The following TAFA4 variants were observed in gnomAD, a reference collection of about 807,000 sequenced individuals.
The protein encoded by TAFA4 is chemokine-like protein TAFA-4.
Under a neutral mutation model 21.1 loss-of-function variants are expected in TAFA4, and 20 were observed. That is an observed-to-expected ratio of 0.95 (90% confidence interval 0.67 to 1.38). The LOEUF is 1.38. TAFA4 is among the 40% of genes most tolerant of loss of function. The probability of loss-of-function intolerance (pLI) is 0.00; values close to 1 mark genes in which losing one functional copy is unlikely to be tolerated. For synonymous variants in TAFA4, 71 were observed against 67.4 expected (o/e 1.05, Z -0.26); for missense variants, 211 against 180.9 (o/e 1.17, Z -0.95).
intron 1 of TAFA4, among the ~76,000 whole-genome samples, chr3:68,890,398 G>A (rs912796760): frequency 1.3e-5 from 2 of 152,132 alleles, no homozygotes; most frequent in Non-Finnish European, 2.9e-5. Flanking sequence ...TAAAATGATT[G>A]AGAGCTTATT....
intron 5 of TAFA4, among the ~76,000 whole-genome samples, chr3:68,735,576 G>A (rs1702227936): frequency 6.6e-6 from 1 of 152,054 alleles, no homozygotes; most frequent in Admixed American, 6.6e-5. Context: ...ACGTTCCCAT[G>A]ATAGCATTAA....
intron 3 of TAFA4, among the ~76,000 whole-genome samples, chr3:68,814,593 A>T (rs1383673510): frequency 6.6e-6 from 1 of 152,220 alleles, no homozygotes; most frequent in African/African-American, 2.4e-5. Flanking sequence ...ATACCTAGGA[A>T]TCCAACTTAC....
rs555739637 is a variant in TAFA4, at chr3:68,922,246, C to A, written c.-123+9994G>T. Among the ~76,000 whole-genome samples, 271 of 152,298 alleles carry A rather than the reference C, an allele frequency of 1.8e-3. 1 individual carries two copies. The highest frequency in any genetic ancestry group is 6.3e-3 in the African/African-American group (260 of 41,570). ...GCACCTCATGGGAGCCTCCTGGAAACAGAAATTCACAGGCCTCATCCCAGA... is the reference window on the plus strand; with the variant it reads ...GCACCTCATGGGAGCCTCCTGGAAAAAGAAATTCACAGGCCTCATCCCAGA... On this transcript the variant is annotated intron_variant, in intron 1 of 5. Transcript: ENST00000295569.
chr3:68,880,125 A>G (rs2089599476), intron 3 of TAFA4, among the ~76,000 whole-genome samples: 1 of 151,636 alleles, frequency 6.6e-6, no homozygotes, highest in Non-Finnish European at 1.5e-5. Context: ...CTCGCCTTTA[A>G]AAATCAGCAA....
rs769064699 is a variant in TAFA4 at position 68,789,816 on chromosome 3, G to T, written c.131-36798C>A. Among the ~76,000 whole-genome samples the T allele has an allele frequency of 4.6e-4, 70 of 152,156 alleles. 1 individual carries two copies. Among genetic ancestry groups the T allele is most frequent in the Admixed American group, 6.5e-5 (1 of 15,272 alleles). On this transcript the variant is annotated intron_variant, in intron 3 of 5. Transcript: ENST00000295569. The stretch of plus-strand genomic sequence containing the variant: ...TTTCTCATCAGAAAACAAAAGAAAT[G>T]CACACATTTAACACATACCCACACA...
intron 3 of TAFA4, among the ~76,000 whole-genome samples, chr3:68,860,073 G>T (rs975182683): frequency 2.6e-5 from 4 of 152,050 alleles, no homozygotes; most frequent in African/African-American, 9.7e-5. Context: ...CTAAGATATT[G>T]TTAATTATAA....
At chr3:68,772,955 T>C (rs1428595257) in intron 3 of TAFA4, among the ~76,000 whole-genome samples, 1 of 152,222 alleles carries the variant, frequency 6.6e-6, no homozygotes, top group Non-Finnish European at 1.5e-5. Context: ...CAATAATTCC[T>C]TCTCCAAATG....
At chr3:68,735,827 T>C (rs1702232502) in intron 5 of TAFA4, among the ~76,000 whole-genome samples, 1 of 152,180 alleles carries the variant, frequency 6.6e-6, no homozygotes, top group Non-Finnish European at 1.5e-5. Flanking sequence ...AAGCAGCTTT[T>C]CAACCTTCAT....
chr3:68,785,171 C>T (rs1312783776), intron 3 of TAFA4, among the ~76,000 whole-genome samples: 1 of 152,202 alleles, frequency 6.6e-6, no homozygotes. Context: ...TACAGAGTGC[C>T]GATTGATGTA....
At chr3:68,910,555 C>T (rs890809294) in intron 1 of TAFA4, among the ~76,000 whole-genome samples, 2 of 152,178 alleles carry the variant, frequency 1.3e-5, no homozygotes, top group African/African-American at 4.8e-5. Context: ...CAGAGATATA[C>T]TTAAGAATTC....
chr3:68,832,890 G>T (rs576615909), intron 3 of TAFA4, among the ~76,000 whole-genome samples: 1 of 151,990 alleles, frequency 6.6e-6, no homozygotes, highest in Non-Finnish European at 1.5e-5. Context: ...ACATACAACC[G>T]CCTACTCAAG....
intron 1 of TAFA4, among the ~76,000 whole-genome samples, chr3:68,929,458 T>C (rs1050960962): frequency 3.3e-5 from 5 of 152,234 alleles, no homozygotes; most frequent in African/African-American, 1.2e-4. Flanking sequence ...CAATCATTTA[T>C]GATTGATTGG....
intron 3 of TAFA4, among the ~76,000 whole-genome samples, chr3:68,758,185 A>G (rs1697023678): frequency 6.6e-6 from 1 of 152,208 alleles, no homozygotes; most frequent in African/African-American, 2.4e-5. Flanking sequence ...GACATAGCTC[A>G]GTTTCCCACT....
chr3:68,929,352 A>G (rs971535474), intron 1 of TAFA4, among the ~76,000 whole-genome samples: 3 of 152,212 alleles, frequency 2.0e-5, no homozygotes, highest in Non-Finnish European at 4.4e-5. Flanking sequence ...TTTGTTTCCT[A>G]TTGCCTGAAT....
chr3:68,734,203 AAT>A (rs1319946349), intron 5 of TAFA4, among the ~76,000 whole-genome samples: 4 of 152,160 alleles, frequency 2.6e-5, no homozygotes, highest in Non-Finnish European at 5.9e-5. Flanking sequence ...TGCATTCTGA[AAT>A]ATTCTGTTTT....
intron 3 of TAFA4, among the ~76,000 whole-genome samples, chr3:68,813,861 A>C (rs1014207041): frequency 5.9e-5 from 9 of 152,102 alleles, no homozygotes; most frequent in Non-Finnish European, 8.8e-5. Flanking sequence ...GAGACACAAC[A>C]AAAAAAGAGA....
chr3:68,924,386 G>A (rs12330627), intron 1 of TAFA4, among the ~76,000 whole-genome samples: 13,484 of 146,504 alleles, frequency 0.092, 681 homozygotes, highest in African/African-American at 0.11. Flanking sequence ...ACAAAAGAAC[G>A]AATAATGTTA....
At chr3:68,784,357 T>C (rs1258040720) in intron 3 of TAFA4, among the ~76,000 whole-genome samples, 1 of 152,212 alleles carries the variant, frequency 6.6e-6, no homozygotes, top group Admixed American at 6.5e-5. Context: ...TTACAGCTCT[T>C]AAGGTGGCAC....
intron 5 of TAFA4, among the ~76,000 whole-genome samples, chr3:68,735,149 G>T (rs1702215536): frequency 6.6e-6 from 1 of 152,096 alleles, no homozygotes; most frequent in African/African-American, 2.4e-5. Flanking sequence ...GAGGGTAAAG[G>T]AGTCATCTGA....
Sources: allele counts gnomAD v4.1 joint callset (sites outside exome capture counted in the v4.1 genomes callset), GRCh38; gene constraint gnomAD v4.1.1; transcripts MANE v1.5; gene names NCBI Gene and HGNC (gene_info 2026-07-23, HGNC 2026-07-21).